Variants in HPCA observed in about 807,000 individuals in gnomAD.
HPCA encodes the protein neuron-specific calcium-binding protein hippocalcin.
In HPCA, 4 loss-of-function variants were observed where a neutral mutation model predicts 18.2. That is an observed-to-expected ratio of 0.22 (90% CI 0.11 to 0.50). HPCA has a LOEUF of 0.50. Among genes scored for constraint, HPCA ranks in the 20% least tolerant of loss-of-function variants. The pLI, the probability that HPCA is intolerant of heterozygous loss-of-function variation, is 0.97. For missense variants in HPCA, 161 were observed against 265.8 expected (o/e 0.61, Z 2.74); for synonymous variants, 93 against 103.5 (o/e 0.90, Z 0.61).
At chr1:32,892,087 C>G (rs975484311) in intron 2 of HPCA, among the ~76,000 whole-genome samples, 4 of 152,134 alleles carry the variant, frequency 2.6e-5, no homozygotes, top group African/African-American at 9.7e-5. Context: ...TATCGTTATT[C>G]CAGGCAAAGA....
chr1:32,890,797 T>G (rs541046035), intron 2 of HPCA, among the ~76,000 whole-genome samples: 35 of 152,358 alleles, frequency 2.3e-4, no homozygotes, highest in African/African-American at 8.4e-4. Flanking sequence ...CTTCTCCTCT[T>G]GCTAAGGTCT....
chr1:32,893,331 A>G lies in HPCA; in HGVS notation c.379-193A>G, dbSNP rs1641498612. On this transcript the variant is annotated intron_variant, in intron 2 of 3. Transcript: ENST00000373467. This position sits in a 1 kb window ranked among gnomAD's most constrained non-coding sequence, Gnocchi z 7.5. ...GGGAGCGCGGCAGGGCCCGCCCGAT[A>G]GCCCTCTCTTCTGGGAGGCCTTCCC... 6.6e-6 allele frequency among the ~76,000 whole-genome samples: 1 copy of G among 152,126 alleles called. No individual in the cohort carries two copies.
At position 32,889,330 on chromosome 1, in the gene HPCA, C is replaced by A; in HGVS notation, c.378+54C>A. The stretch of plus-strand genomic sequence containing the variant: ...GGCACAGGGCCCGGCAGCTTGCACC[C>A]ACCACCCCTTTTGATCCTCTCAGCA... On this transcript the variant is annotated intron_variant, in intron 2 of 3. Coordinates refer to ENST00000373467, the MANE Select transcript of HPCA (RefSeq NM_002143.3). This position sits in a 1 kb window ranked among gnomAD's most constrained non-coding sequence, Gnocchi z 4.6. 1 of 1,548,322 alleles carries A rather than the reference C, an allele frequency of 6.5e-7. No individual in the cohort carries two copies. The highest frequency in any genetic ancestry group is 8.7e-7 in the Non-Finnish European group (1 of 1,145,574).
rs1328517737 is a variant in HPCA at position 32,889,827 on chromosome 1, C to T, written c.378+551C>T. Among the ~76,000 whole-genome samples the T allele has an allele frequency of 2.6e-5, 4 of 152,176 alleles. No homozygotes were observed. Among genetic ancestry groups the T allele is most frequent in the African/African-American group, 9.7e-5 (4 of 41,428 alleles). ...TAGCCCCCTTTAATCTGGAATAGCT[C>T]CTCATCCTTTCTTTATCTTTTATGA... is the stretch of plus-strand genomic sequence containing the variant. On this transcript the variant is annotated intron_variant, in intron 2 of 3. Coordinates refer to ENST00000373467, the MANE Select transcript of HPCA (RefSeq NM_002143.3). The surrounding 1 kb of genome is among the most constrained non-coding windows in gnomAD (Gnocchi z 4.6).
rs1641424601 is a variant in HPCA, at chr1:32,889,667, A to T, written c.378+391A>T. Among the ~76,000 whole-genome samples the T allele has an allele frequency of 6.6e-6, 1 of 152,226 alleles. No homozygotes were observed. Among genetic ancestry groups the T allele is most frequent in the Admixed American group, 6.5e-5 (1 of 15,288 alleles). Reference sequence around the variant, plus strand: ...ATAATATGATTACCAAAGCCAGGATATTTAACATAGAAACAATGCTATTAT... The same window carrying T: ...ATAATATGATTACCAAAGCCAGGATTTTTAACATAGAAACAATGCTATTAT... On this transcript the variant is annotated intron_variant, in intron 2 of 3. Transcript: ENST00000373467. The surrounding 1 kb of genome is among the most constrained non-coding windows in gnomAD (Gnocchi z 4.6).
At chr1:32,887,754 T>C (rs181048436) in intron 1 of HPCA, among the ~76,000 whole-genome samples, 14 of 152,152 alleles carry the variant, frequency 9.2e-5, no homozygotes, top group African/African-American at 3.1e-4. Context: ...GTGAGAGGTG[T>C]CGGCATGCGA....
At position 32,889,775 on chromosome 1, in the gene HPCA, G is replaced by A. The variant is rs2124018126; in HGVS notation, c.378+499G>A. ...ATTTTTGGCCCTGACCTGGGGTCAT[G>A]CATTGCATCTAGTTCTCATGTCTCT... On this transcript the variant is annotated intron_variant, in intron 2 of 3. Transcript: ENST00000373467. The surrounding 1 kb of genome is among the most constrained non-coding windows in gnomAD (Gnocchi z 4.6). Among the ~76,000 whole-genome samples the A allele has an allele frequency of 6.6e-6, 1 of 152,336 alleles. No individual in the cohort carries two copies. The highest frequency in any genetic ancestry group is 6.5e-5 in the Admixed American group (1 of 15,304).
At chr1:32,887,330 G>A (rs950591155) in intron 1 of HPCA, among the ~76,000 whole-genome samples, 1 of 151,996 alleles carries the variant, frequency 6.6e-6, no homozygotes, top group African/African-American at 2.4e-5. Context: ...AAAAACCAGC[G>A]GCACACATCA....
In HPCA at chr1:32,894,081, C is replaced by T. The variant is rs1429943210; in HGVS notation, c.*219C>T. 6 of 558,488 alleles carry T rather than the reference C, an allele frequency of 1.1e-5. No homozygotes were observed. In the Admixed American group the frequency reaches 1.9e-4, roughly 17 times the overall value. 34.6% of individuals were successfully genotyped at this position (558,488 alleles called of 1,614,324 possible). ...CCAATCCCAGAGGCAACAATAGAGA[C>T]ACAGGCTGGGTTGGTCTGCCCCTCA... On this transcript the variant is annotated 3_prime_UTR_variant, in exon 4 of 4. Transcript: ENST00000373467.
At chr1:32,887,022 C>T (rs1450959431) in intron 1 of HPCA, among the ~76,000 whole-genome samples, 1 of 152,216 alleles carries the variant, frequency 6.6e-6, no homozygotes, top group Non-Finnish European at 1.5e-5. Flanking sequence ...TGACCCAGTT[C>T]CTTGGACCTT....
upstream of HPCA, chr1:32,886,173 GGAGA>G (rs948639932): frequency 6.6e-6 from 1 of 152,250 alleles, no homozygotes; most frequent in African/African-American, 2.4e-5. This position sits in a 1 kb window ranked among gnomAD's most constrained non-coding sequence, Gnocchi z 7.0. Context: ...CCCCGGCTCA[GGAGA>G]GAGACCTCTT....
At chr1:32,892,579 C>G (rs534528085) in intron 2 of HPCA, among the ~76,000 whole-genome samples, 6 of 152,188 alleles carry the variant, frequency 3.9e-5, no homozygotes, top group African/African-American at 1.2e-4. Context: ...GGTGTGCAGG[C>G]TGGGGACGTA....
In HPCA at chr1:32,893,500, C is replaced by G. The variant is rs766169582; in HGVS notation, c.379-24C>G. ...GGGGCTCGGGCAGGCTCCTCTCACTCCCCGCCTCCCCTCCCGCCCCCAGGC... is the reference window on the plus strand; with the variant it reads ...GGGGCTCGGGCAGGCTCCTCTCACTGCCCGCCTCCCCTCCCGCCCCCAGGC... On this transcript the variant is annotated intron_variant, in intron 2 of 3. Transcript: ENST00000373467. The surrounding 1 kb of genome is among the most constrained non-coding windows in gnomAD (Gnocchi z 7.5). The G allele has an allele frequency of 6.5e-7, 1 of 1,542,748 alleles. No individual in the cohort carries two copies. Among genetic ancestry groups the G allele is most frequent in the African/African-American group, 1.4e-5 (1 of 73,576 alleles).
intron 2 of HPCA, among the ~76,000 whole-genome samples, chr1:32,890,547 GC>G (rs955226108): frequency 3.3e-5 from 5 of 152,214 alleles, no homozygotes; most frequent in African/African-American, 7.2e-5. Flanking sequence ...GGAAGGCTTG[GC>G]ATATAATTGG....
At chr1:32,890,266 C>T (rs1249848659) in intron 2 of HPCA, among the ~76,000 whole-genome samples, 1 of 152,200 alleles carries the variant, frequency 6.6e-6, no homozygotes, top group Non-Finnish European at 1.5e-5. Context: ...TCTTAGGTTG[C>T]TCATCTGTAC....
At chr1:32,888,672 G>A (rs147512498) in intron 1 of HPCA, among the ~76,000 whole-genome samples, 540 of 152,284 alleles carry the variant, frequency 3.5e-3, no homozygotes, top group African/African-American at 0.012. Flanking sequence ...CCAGGAAAGC[G>A]TATGGTCCAG....
At chr1:32,887,535 T>C (rs773340800) in intron 1 of HPCA, among the ~76,000 whole-genome samples, 1 of 152,080 alleles carries the variant, frequency 6.6e-6, no homozygotes, top group Non-Finnish European at 1.5e-5. Context: ...TAACCTGCAC[T>C]CAGGGGACCT....
intron 1 of HPCA, among the ~76,000 whole-genome samples, 157 bp from the exon 2 acceptor site, chr1:32,888,721 G>A (rs1475561586): frequency 6.6e-6 from 1 of 152,100 alleles, no homozygotes; most frequent in Admixed American, 6.5e-5. Flanking sequence ...CAGGATGCCT[G>A]GGTCTAGGCT....
intron 2 of HPCA, among the ~76,000 whole-genome samples, chr1:32,891,267 G>A (rs774923551): frequency 5.9e-5 from 9 of 152,210 alleles, no homozygotes; most frequent in Non-Finnish European, 7.3e-5. Flanking sequence ...TGACAAGTTG[G>A]CTCCCATGAA....
Sources: gnomAD v4.1 joint callset for allele counts (sites outside exome capture counted in the v4.1 genomes callset) on GRCh38, gnomAD v4.1.1 for gene constraint, Gnocchi (gnomAD v3.1) non-coding constraint, MANE v1.5 for transcripts, NCBI Gene and HGNC (gene_info 2026-07-23, HGNC 2026-07-21) for gene names.